The following NCK1 variants were observed in gnomAD, a reference collection of about 807,000 sequenced individuals.
The protein encoded by NCK1 is SH2/SH3 adapter protein NCK1.
A neutral mutation model predicts 36.6 loss-of-function variants in NCK1; 19 were observed. The ratio of observed to expected loss-of-function variants is 0.52; its 90% CI spans 0.36 to 0.76. The LOEUF (loss-of-function observed/expected upper bound fraction) is 0.76. Ranked by LOEUF, NCK1 falls within the 30% of genes least tolerant of loss-of-function variation. The probability of loss-of-function intolerance (pLI) is 0.00; values close to 1 mark genes in which losing one functional copy is unlikely to be tolerated. For missense variants in NCK1, 358 were observed against 445.6 expected (o/e 0.80, Z 1.77); for synonymous variants, 165 against 156.0 (o/e 1.06, Z -0.43).
chr3:136,871,785 C>T (rs768448288), intron 1 of NCK1, among the ~76,000 whole-genome samples: 4 of 152,164 alleles, frequency 2.6e-5, no homozygotes, highest in Admixed American at 6.5e-5. Flanking sequence ...GGGCCTTTCT[C>T]GTGCTGTTCT....
intron 1 of NCK1, among the ~76,000 whole-genome samples, chr3:136,894,452 G>C (rs905592556): frequency 2.6e-5 from 4 of 152,138 alleles, no homozygotes; most frequent in Non-Finnish European, 5.9e-5. Context: ...TTAATTTAAT[G>C]CACCACTTTA....
At chr3:136,917,683 G>A (rs930449951) in intron 1 of NCK1, among the ~76,000 whole-genome samples, 1 of 152,114 alleles carries the variant, frequency 6.6e-6, no homozygotes, top group African/African-American at 2.4e-5. Flanking sequence ...AAGTTACCTA[G>A]GTCAGTTCTC....
chr3:136,870,146 A>T (rs537149473), intron 1 of NCK1, among the ~76,000 whole-genome samples: 1 of 150,746 alleles, frequency 6.6e-6, no homozygotes, highest in East Asian at 2.0e-4. Flanking sequence ...GTTCGAGACC[A>T]GCCTGGCCAA....
chr3:136,942,487 A>AAAAC (rs556304325), intron 2 of NCK1, among the ~76,000 whole-genome samples: 142 of 152,274 alleles, frequency 9.3e-4, no homozygotes, highest in Non-Finnish European at 1.6e-3. Flanking sequence ...GCCAAAAGAA[A>AAAAC]AAACAAACAA....
intron 1 of NCK1, among the ~76,000 whole-genome samples, chr3:136,898,886 C>A (rs573403516): frequency 7.3e-4 from 111 of 152,324 alleles, no homozygotes; most frequent in Admixed American, 7.2e-4. Context: ...ACAAAGCTCT[C>A]ATTGAGATCT....
At chr3:136,884,981 A>G (rs1407607254) in intron 1 of NCK1, among the ~76,000 whole-genome samples, 1 of 152,142 alleles carries the variant, frequency 6.6e-6, no homozygotes, top group East Asian at 1.9e-4. Context: ...TCGGCCTCCC[A>G]AAGTGTTGAG....
chr3:136,890,542 T>A (rs1475504545), intron 1 of NCK1, among the ~76,000 whole-genome samples: 2 of 152,252 alleles, frequency 1.3e-5, no homozygotes, highest in Non-Finnish European at 2.9e-5. Flanking sequence ...CTTTGAGGAC[T>A]GCCAGCACGC....
chr3:136,936,275 A>G (rs1027240984), intron 2 of NCK1, among the ~76,000 whole-genome samples: 1 of 151,998 alleles, frequency 6.6e-6, no homozygotes, highest in Admixed American at 6.6e-5. Context: ...TCCTTACCTC[A>G]AGTCATCTGC....
At chr3:136,912,766 C>T (rs1002770007) in intron 1 of NCK1, among the ~76,000 whole-genome samples, 2 of 152,072 alleles carry the variant, frequency 1.3e-5, no homozygotes, top group Non-Finnish European at 2.9e-5. Context: ...AGCAGTCCCC[C>T]TGCTTCAGCT....
chr3:136,869,132 C>T (rs987324055), intron 1 of NCK1, among the ~76,000 whole-genome samples: 3 of 151,286 alleles, frequency 2.0e-5, no homozygotes, highest in Non-Finnish European at 4.4e-5. Context: ...CCCAGCTACC[C>T]GGGAGGCAGA....
At chr3:136,944,973 G>C (rs1485088939) in intron 2 of NCK1, among the ~76,000 whole-genome samples, 2 of 152,118 alleles carry the variant, frequency 1.3e-5, no homozygotes, top group African/African-American at 4.8e-5. Flanking sequence ...AAAACTCCCT[G>C]TCCTTTTGGA....
chr3:136,925,732 A>C (rs999573326), intron 1 of NCK1, among the ~76,000 whole-genome samples: 5 of 152,058 alleles, frequency 3.3e-5, no homozygotes, highest in Non-Finnish European at 5.9e-5. Context: ...TTGTTTAATT[A>C]TTTGCCTGTT....
chr3:136,903,080 A>T (rs927008462), intron 1 of NCK1, among the ~76,000 whole-genome samples: 1 of 152,206 alleles, frequency 6.6e-6, no homozygotes, highest in Non-Finnish European at 1.5e-5. Context: ...AGTGGAATCT[A>T]TCTCTCCTTA....
chr3:136,881,743 A>C (rs1398836791), intron 1 of NCK1, among the ~76,000 whole-genome samples: 1 of 152,090 alleles, frequency 6.6e-6, no homozygotes, highest in Non-Finnish European at 1.5e-5. Flanking sequence ...TGTTTGTATA[A>C]ATTTGTTTGC....
intron 1 of NCK1, among the ~76,000 whole-genome samples, chr3:136,898,043 A>C (rs1169160477): frequency 6.6e-6 from 1 of 152,162 alleles, no homozygotes; most frequent in East Asian, 1.9e-4. Context: ...TATTTACAAG[A>C]AAAAGGCTAA....
intron 1 of NCK1, chr3:136,899,507 A>C (rs1939484853): frequency 2.3e-6 from 1 of 430,904 alleles, no homozygotes; most frequent in South Asian, 2.6e-5. Flanking sequence ...AATCAGAATC[A>C]TCCTCAGAAT....
At chr3:136,920,036 G>A (rs1940064867) in intron 1 of NCK1, among the ~76,000 whole-genome samples, 1 of 152,100 alleles carries the variant, frequency 6.6e-6, no homozygotes, top group Non-Finnish European at 1.5e-5. Context: ...TAACTAACTT[G>A]GATATGCTGT....
intron 1 of NCK1, among the ~76,000 whole-genome samples, chr3:136,905,345 C>G (rs563895697): frequency 3.3e-5 from 5 of 152,114 alleles, no homozygotes; most frequent in Admixed American, 3.3e-4. Flanking sequence ...TTTGTGATAT[C>G]TAGTTCCTTT....
chr3:136,863,408 A>G (rs993900231), intron 1 of NCK1, among the ~76,000 whole-genome samples: 1 of 152,236 alleles, frequency 6.6e-6, no homozygotes, highest in Admixed American at 6.5e-5. Flanking sequence ...AAACGGAGAA[A>G]TAACCTAAGA....
Sources: allele counts gnomAD v4.1 joint callset (sites outside exome capture counted in the v4.1 genomes callset), GRCh38; gene constraint gnomAD v4.1.1; transcripts MANE v1.5; gene names NCBI Gene and HGNC (gene_info 2026-07-23, HGNC 2026-07-21).